Variants in ZNF488 observed in about 807,000 individuals in gnomAD.
The protein encoded by ZNF488 is zinc finger protein 488.
ZNF488 carries 1 observed loss-of-function variant against 1.2 expected under a neutral mutation model. The observed-to-expected ratio is 0.86, with a 90% CI of 0.30 to 4.07. ZNF488 has a LOEUF of 4.07. Ranked by LOEUF, ZNF488 falls within the 30% of genes most tolerant of loss-of-function variation. The probability of loss-of-function intolerance (pLI) is 0.18; values close to 1 mark genes in which losing one functional copy is unlikely to be tolerated. For missense variants in ZNF488, 450 were observed against 437.9 expected (o/e 1.03, Z -0.25); for synonymous variants, 185 against 190.1 (o/e 0.97, Z 0.22).
chr10:47,383,045 T>G (rs1838041745), intron 1 of ZNF488, among the ~76,000 whole-genome samples: 1 of 152,216 alleles, frequency 6.6e-6, no homozygotes, highest in African/African-American at 2.4e-5. Flanking sequence ...AAGATTACAT[T>G]GTAACCAAGA....
In ZNF488 at chr10:47,366,564, T is replaced by G. The variant is rs1193309953; in HGVS notation, c.*1243A>C. ...TATCTGACAGTGAGGTGGAAACCAG[T>G]GCAAAAACGACACTGGCTTGGAAAC... On this transcript the variant is annotated 3_prime_UTR_variant, in exon 2 of 2. Transcript: ENST00000585316. 6.0e-6 allele frequency: 1 copy of G among 167,032 alleles called. No homozygotes were observed. Among genetic ancestry groups the G allele is most frequent in the Non-Finnish European group, 1.5e-5 (1 of 68,138 alleles). 10.3% of individuals were successfully genotyped at this position (167,032 alleles called of 1,614,324 possible).
At chr10:47,370,935 A>G (rs1555213802) in intron 1 of ZNF488, among the ~76,000 whole-genome samples, 1 of 152,242 alleles carries the variant, frequency 6.6e-6, no homozygotes, top group Non-Finnish European at 1.5e-5. Flanking sequence ...CACTGAGAGC[A>G]TGCAGCATGC....
intron 1 of ZNF488, among the ~76,000 whole-genome samples, chr10:47,377,673 A>T (rs1350027872): frequency 2.4e-4 from 10 of 41,794 alleles, no homozygotes; most frequent in Non-Finnish European, 3.3e-4. Flanking sequence ...AATAACAATC[A>T]CACACACACA....
At chr10:47,370,419 AC>A (rs1837421308) in intron 1 of ZNF488, among the ~76,000 whole-genome samples, 1 of 152,220 alleles carries the variant, frequency 6.6e-6, no homozygotes, top group Non-Finnish European at 1.5e-5. Flanking sequence ...GAAATAGCCC[AC>A]CAGCCTGTAT....
At chr10:47,371,319 A>G (rs1442736340) in intron 1 of ZNF488, among the ~76,000 whole-genome samples, 2 of 152,192 alleles carry the variant, frequency 1.3e-5, no homozygotes, top group Non-Finnish European at 2.9e-5. Flanking sequence ...CTTATAATAC[A>G]ATGTTAGTGT....
chr10:47,370,670 A>G (rs1313321138), intron 1 of ZNF488, among the ~76,000 whole-genome samples: 8 of 152,238 alleles, frequency 5.3e-5, no homozygotes, highest in Admixed American at 6.5e-5. Flanking sequence ...GTAACTCCAG[A>G]GACATGGTGA....
chr10:47,379,989 G>T (rs527409929), intron 1 of ZNF488, among the ~76,000 whole-genome samples: 164 of 152,396 alleles, frequency 1.1e-3, no homozygotes, highest in Non-Finnish European at 2.0e-3. Flanking sequence ...AGACCGCTGT[G>T]GGCACAGTGG....
At chr10:47,374,459 A>G (rs1837599642) in intron 1 of ZNF488, among the ~76,000 whole-genome samples, 1 of 152,198 alleles carries the variant, frequency 6.6e-6, no homozygotes, top group African/African-American at 2.4e-5. Flanking sequence ...ATCCCTGGTT[A>G]CCTTGACACT....
rs868968837 is a variant in ZNF488 at position 47,377,639 on chromosome 10, T to C, written c.-109+6581A>G. 1.7e-3 allele frequency among the ~76,000 whole-genome samples: 92 copies of C among 55,616 alleles called. 1 individual carries two copies. Among genetic ancestry groups the C allele is most frequent in the Middle Eastern group, 0.021 (2 of 96 alleles). The allele number at this position is 55,616 out of a possible 152,430, so 36.5% of individuals were successfully genotyped here. Reference sequence around the variant, plus strand: ...ACACACACACACACACACACACACATGGCTGCCACCCAGAGGAGCCAGCAA... The same window carrying C: ...ACACACACACACACACACACACACACGGCTGCCACCCAGAGGAGCCAGCAA... On this transcript the variant is annotated intron_variant, in intron 1 of 1. Coordinates refer to ENST00000585316, the MANE Select transcript of ZNF488 (RefSeq NM_153034.4).
intron 1 of ZNF488, among the ~76,000 whole-genome samples, chr10:47,381,409 ATTTG>A (rs1837949901): frequency 7.5e-6 from 1 of 133,526 alleles, no homozygotes; most frequent in African/African-American, 2.7e-5. Context: ...CCTTTTCTGC[ATTTG>A]GATTGTGAGG....
At chr10:47,370,867 A>T (rs1555213790) in intron 1 of ZNF488, among the ~76,000 whole-genome samples, 1 of 152,196 alleles carries the variant, frequency 6.6e-6, no homozygotes, top group South Asian at 2.1e-4. Flanking sequence ...GAAACACAGA[A>T]AATGACCACC....
Position 47,367,571 on chromosome 10 carries a change from G to A in ZNF488, c.*236C>T. On this transcript the variant is annotated 3_prime_UTR_variant, in exon 2 of 2. Transcript: ENST00000585316. ...GGAGTTGCCCCTGCTCTCTGTGCCT[G>A]TTAGGGCCTCTACCCTGGATTTGCA... 1 of 584,132 alleles carries A rather than the reference G, an allele frequency of 1.7e-6. No individual in the cohort carries two copies. Among genetic ancestry groups the A allele is most frequent in the Non-Finnish European group, 3.0e-6 (1 of 328,072 alleles). 36.2% of individuals were successfully genotyped at this position (584,132 alleles called of 1,614,324 possible).
intron 1 of ZNF488, among the ~76,000 whole-genome samples, chr10:47,379,299 T>A (rs1296542792): frequency 6.6e-6 from 1 of 152,238 alleles, no homozygotes; most frequent in Admixed American, 6.5e-5. Context: ...TTATCTCCAA[T>A]CTGCCAAATG....
rs1229569472 is a variant in ZNF488, at chr10:47,365,620, C to G, written c.*2187G>C. 6.0e-6 allele frequency: 1 copy of G among 167,200 alleles called. No individual in the cohort carries two copies. The highest frequency in any genetic ancestry group is 1.5e-5 in the Non-Finnish European group (1 of 68,200). 10.4% of individuals were successfully genotyped at this position (167,200 alleles called of 1,614,324 possible). A position where few individuals can be genotyped will look rare whatever the true frequency, so the allele number is the denominator to read the frequency against. On this transcript the variant is annotated 3_prime_UTR_variant, in exon 2 of 2. Coordinates refer to ENST00000585316, the MANE Select transcript of ZNF488 (RefSeq NM_153034.4). ...TGACAGTGTGGAGGCAGCAAATCAA[C>G]AAGACGACAAACAGAAAGATGGTTG...
chr10:47,380,710 TCGAGCCTTCC>T (rs1555215176), intron 1 of ZNF488, among the ~76,000 whole-genome samples: 24 of 17,178 alleles, frequency 1.4e-3, no homozygotes, highest in African/African-American at 2.9e-3. Flanking sequence ...CAGGTAACCT[TCGAGCCTTCC>T]ATCCAAATAG....
At chr10:47,377,690 C>T (rs1362862065) in intron 1 of ZNF488, among the ~76,000 whole-genome samples, 8 of 149,728 alleles carry the variant, frequency 5.3e-5, no homozygotes, top group Admixed American at 4.7e-4. Context: ...CACACACACA[C>T]ACACACACAC....
intron 1 of ZNF488, among the ~76,000 whole-genome samples, chr10:47,369,864 C>T (rs960367735): frequency 1.2e-4 from 18 of 152,238 alleles, no homozygotes; most frequent in African/African-American, 4.3e-4. Context: ...ATTATATTTA[C>T]TTGTTTGTGG....
rs543363831 is a variant in ZNF488, at chr10:47,378,351, C to T, written c.-109+5869G>A. Among the ~76,000 whole-genome samples the T allele has an allele frequency of 1.9e-4, 29 of 152,328 alleles. 1 individual carries two copies. The South Asian group carries it at 5.6e-3, about 29-fold the overall frequency. On this transcript the variant is annotated intron_variant, in intron 1 of 1. Transcript: ENST00000585316. ...CTGCTGGGATGCCTTCATCCCTACCCGCTCTCACCAGCCCCACCCTCAAGT... is the reference window on the plus strand; with the variant it reads ...CTGCTGGGATGCCTTCATCCCTACCTGCTCTCACCAGCCCCACCCTCAAGT...
chr10:47,373,738 G>C (rs1555214111), intron 1 of ZNF488, among the ~76,000 whole-genome samples: 1 of 152,212 alleles, frequency 6.6e-6, no homozygotes, highest in Non-Finnish European at 1.5e-5. Context: ...AAGATGGAGA[G>C]AGGCAAAGTC....
Sources: gnomAD v4.1 joint callset for allele counts (sites outside exome capture counted in the v4.1 genomes callset) on GRCh38, gnomAD v4.1.1 for gene constraint, MANE v1.5 for transcripts, NCBI Gene and HGNC (gene_info 2026-07-23, HGNC 2026-07-21) for gene names.